The following RAPH1 variants were observed in gnomAD, a reference collection of about 807,000 sequenced individuals.
RAPH1 encodes ras-associated and pleckstrin homology domains-containing protein 1.
In RAPH1, 18 loss-of-function variants were observed where a neutral mutation model predicts 88.1. The ratio of observed to expected loss-of-function variants is 0.20; its 90% CI spans 0.14 to 0.30. The LOEUF (loss-of-function observed/expected upper bound fraction) is 0.30, where lower values mean the gene tolerates loss of function less well. Ranked by LOEUF, RAPH1 falls within the 10% of genes least tolerant of loss-of-function variation. The pLI is 1.00. For synonymous variants in RAPH1, 587 were observed against 559.0 expected, an observed-to-expected ratio of 1.05 and a Z score of -0.71; for missense variants, 1,448 against 1,543.2, an observed-to-expected ratio of 0.94 and a Z score of 1.03.
At position 203,480,285 on chromosome 2, in the gene RAPH1, A is replaced by G. The variant is rs1581325454; in HGVS notation, c.732+9299T>C. ...TTGATCTGGCTAGGAGCAGTGGCTC[A>G]TGCCTGTAATCCCAGCACTTTGGGA... On this transcript the variant is annotated intron_variant, in intron 4 of 13. Coordinates refer to ENST00000319170, the MANE Select transcript of RAPH1 (RefSeq NM_213589.3). Among the ~76,000 whole-genome samples the G allele has an allele frequency of 2.6e-5, 4 of 152,340 alleles. No homozygotes were observed. The South Asian group carries it at 8.3e-4, about 32-fold the overall frequency.
At chr2:203,513,854 C>CA (rs1305589713) in intron 1 of RAPH1, among the ~76,000 whole-genome samples, 2 of 147,478 alleles carry the variant, frequency 1.4e-5, no homozygotes, top group African/African-American at 5.0e-5. Flanking sequence ...AAAAAAAAAT[C>CA]AAAAAAATTA....
Position 203,433,929 on chromosome 2 carries a change from AAT to A in RAPH1, c.*5506_*5507del, listed in dbSNP as rs1491147029. The A allele has an allele frequency of 6.6e-6, 1 of 152,584 alleles. No homozygotes were observed. Among genetic ancestry groups the A allele is most frequent in the Non-Finnish European group, 1.5e-5 (1 of 68,014 alleles). 9.5% of individuals were successfully genotyped at this position (152,584 alleles called of 1,614,324 possible). A position where few individuals can be genotyped will look rare whatever the true frequency, so the allele number is the denominator to read the frequency against. On this transcript the variant is annotated 3_prime_UTR_variant, in exon 14 of 14. Transcript: ENST00000319170. ...TACGACTAGTGTGCTAAGCCATTACAATAGTTTACTGACATAACTGGCAAGAG... is the reference window on the plus strand; with the variant it reads ...TACGACTAGTGTGCTAAGCCATTACAAGTTTACTGACATAACTGGCAAGAG...
chr2:203,455,296 G>C (rs946199502), intron 9 of RAPH1, 141 bp downstream of exon 9: 5 of 712,350 alleles, frequency 7.0e-6, no homozygotes, highest in African/African-American at 1.8e-5. Flanking sequence ...CTTTATAATA[G>C]ATTAATAAAC....
intron 4 of RAPH1, among the ~76,000 whole-genome samples, chr2:203,485,304 G>A (rs1303221168): frequency 4.0e-5 from 6 of 151,758 alleles, no homozygotes; most frequent in Non-Finnish European, 8.8e-5. Flanking sequence ...CCTGCTACTC[G>A]GGAGGCTGAG....
At chr2:203,449,367 C>T (rs930770537) in intron 10 of RAPH1, among the ~76,000 whole-genome samples, 1 of 152,198 alleles carries the variant, frequency 6.6e-6, no homozygotes, top group African/African-American at 2.4e-5. Context: ...CAGGGAAGTA[C>T]AGCCCTGTAG....
intron 4 of RAPH1, among the ~76,000 whole-genome samples, chr2:203,478,936 G>C (rs1401449825): frequency 6.6e-6 from 1 of 152,118 alleles, no homozygotes; most frequent in African/African-American, 2.4e-5. Flanking sequence ...GTTTTTCCCT[G>C]TGTATTTTCT....
At chr2:203,472,414 G>C (rs1359029033) in intron 4 of RAPH1, among the ~76,000 whole-genome samples, 1 of 152,194 alleles carries the variant, frequency 6.6e-6, no homozygotes, top group Non-Finnish European at 1.5e-5. Context: ...TTATAGGCGT[G>C]AGCCACTGTG....
At chr2:203,517,112 A>G (rs1382677681) in intron 1 of RAPH1, among the ~76,000 whole-genome samples, 1 of 152,070 alleles carries the variant, frequency 6.6e-6, no homozygotes. Flanking sequence ...TCTGTTGTCT[A>G]CAAGAAACCC....
chr2:203,506,880 A>C (rs1325258594), intron 1 of RAPH1, among the ~76,000 whole-genome samples: 2 of 87,278 alleles, frequency 2.3e-5, no homozygotes, highest in African/African-American at 5.8e-5. Flanking sequence ...ATATATATAT[A>C]GATATATATA....
At chr2:203,531,971 A>T (rs1010384482) in intron 1 of RAPH1, among the ~76,000 whole-genome samples, 6 of 152,226 alleles carry the variant, frequency 3.9e-5, no homozygotes, top group Non-Finnish European at 5.9e-5. Flanking sequence ...TATTCACAGT[A>T]CCCCAAAGGT....
intron 4 of RAPH1, among the ~76,000 whole-genome samples, chr2:203,466,854 A>T (rs1394650615): frequency 6.6e-6 from 1 of 152,240 alleles, no homozygotes; most frequent in South Asian, 2.1e-4. Context: ...AATGAAAGCC[A>T]ACACTGTGGC....
At chr2:203,474,857 T>C (rs1381494807) in intron 4 of RAPH1, among the ~76,000 whole-genome samples, 2 of 152,254 alleles carry the variant, frequency 1.3e-5, no homozygotes, top group Non-Finnish European at 2.9e-5. Context: ...ATGCCTGTAA[T>C]CCCACCACTT....
At chr2:203,491,527 C>CT (rs976975851) in intron 2 of RAPH1, among the ~76,000 whole-genome samples, 11 of 149,358 alleles carry the variant, frequency 7.4e-5, no homozygotes, top group East Asian at 3.9e-4. Flanking sequence ...TATATGCTTA[C>CT]TTTTTTTTTT....
chr2:203,468,621 T>G (rs2153645370), intron 4 of RAPH1, among the ~76,000 whole-genome samples: 1 of 152,288 alleles, frequency 6.6e-6, no homozygotes, highest in East Asian at 1.9e-4. Flanking sequence ...TCTATCTTCA[T>G]AAACAGACTG....
chr2:203,476,431 A>C (rs550268227), intron 4 of RAPH1, among the ~76,000 whole-genome samples: 30 of 152,280 alleles, frequency 2.0e-4, no homozygotes, highest in African/African-American at 7.2e-4. Context: ...TCGGCCTCCC[A>C]AAGTGCTGGG....
chr2:203,492,870 G>A (rs1688333390), intron 2 of RAPH1, among the ~76,000 whole-genome samples: 1 of 151,126 alleles, frequency 6.6e-6, no homozygotes, highest in South Asian at 2.1e-4. Context: ...TAAAAGCTAT[G>A]AACCCTCTTC....
chr2:203,506,855 T>TATATATATAG (rs1689084632), intron 1 of RAPH1, among the ~76,000 whole-genome samples: 2 of 56,678 alleles, frequency 3.5e-5, no homozygotes, highest in Non-Finnish European at 6.7e-5. Context: ...TCTATCTATA[T>TATATATATAG]CTATATATAT....
intron 1 of RAPH1, among the ~76,000 whole-genome samples, chr2:203,511,783 A>G (rs1476664242): frequency 2.0e-5 from 3 of 152,064 alleles, no homozygotes; most frequent in African/African-American, 7.2e-5. Flanking sequence ...ATTCCTATAT[A>G]TGAAAAACCA....
intron 1 of RAPH1, among the ~76,000 whole-genome samples, chr2:203,507,058 G>A (rs985220630): frequency 4.0e-5 from 6 of 149,600 alleles, no homozygotes; most frequent in Admixed American, 2.0e-4. Context: ...CACCACACCC[G>A]GCTAATTTTT....
Sources: gnomAD v4.1 joint callset for allele counts (sites outside exome capture counted in the v4.1 genomes callset) on GRCh38, gnomAD v4.1.1 for gene constraint, MANE v1.5 for transcripts, NCBI Gene and HGNC (gene_info 2026-07-23, HGNC 2026-07-21) for gene names.